KLHL1: variants seen among roughly 807,000 people sequenced by gnomAD.
KLHL1 encodes kelch like family member 1, also known as kelch-like protein 1.
KLHL1 carries 47 observed loss-of-function variants against 77.7 expected under a neutral mutation model. That is an observed-to-expected ratio of 0.60 (90% CI 0.48 to 0.77). KLHL1 has a LOEUF of 0.77. Among genes scored for constraint, KLHL1 ranks in the 30% least tolerant of loss-of-function variants. KLHL1 has a pLI of 0.00. For missense variants in KLHL1, 925 were observed against 910.8 expected (o/e 1.02, Z -0.20); for synonymous variants, 360 against 325.2 (o/e 1.11, Z -1.15).
rs751753092 is a variant in KLHL1 at position 69,740,473 on chromosome 13, G to A, written c.1723C>T (p.Pro575Ser). 6.2e-7 allele frequency: 1 copy of A among 1,613,024 alleles called. No individual in the cohort carries two copies. Among genetic ancestry groups the A allele is most frequent in the Non-Finnish European group, 8.5e-7 (1 of 1,179,254 alleles). ...SYLNTVERWD[P>S]QSQQWTFVAS... The stretch of plus-strand genomic sequence containing the variant: ...ACAAATGTCCATTGTTGACTCTGTG[G>A]ATCCCACCTTTCCACTGTATTCAGA... The change falls in exon 8 of 11, where the codon CCA becomes TCA. Residue 575 changes from proline to serine, a missense_variant. By Grantham distance (74) the Pro-to-Ser change is moderately conservative. Coordinates refer to ENST00000377844, the MANE Select transcript of KLHL1 (RefSeq NM_020866.3).
Position 69,729,928 on chromosome 13 carries a change from T to G in KLHL1, c.1803-10347A>C, listed in dbSNP as rs541582296. ...TGATATTTTTTACGAAGAAAGATAC[T>G]AGAGCAAAACAGGATTTCTTAATAT... On this transcript the variant is annotated intron_variant, in intron 8 of 10. Transcript: ENST00000377844. Among the ~76,000 whole-genome samples, 9 of 152,230 alleles carry G rather than the reference T, an allele frequency of 5.9e-5. No homozygotes were observed. The South Asian group carries it at 1.9e-3, about 32-fold the overall frequency.
At chr13:69,815,697 G>A (rs958241305) in intron 6 of KLHL1, among the ~76,000 whole-genome samples, 1 of 151,880 alleles carries the variant, frequency 6.6e-6, no homozygotes, top group African/African-American at 2.4e-5. Flanking sequence ...ACATGTACCC[G>A]TGGAATCTAA....
At position 69,936,592 on chromosome 13, in the gene KLHL1, C is replaced by CAAA. The variant is rs57906720; in HGVS notation, c.1014+3445_1014+3447dup. Among the ~76,000 whole-genome samples, 256 of 79,962 alleles carry CAAA rather than the reference C, an allele frequency of 3.2e-3. 3 individuals are homozygous for CAAA. Among genetic ancestry groups the CAAA allele is most frequent in the African/African-American group, 0.011 (244 of 21,796 alleles). The allele number at this position is 79,962 out of a possible 152,430, so 52.5% of individuals were successfully genotyped here. On this transcript the variant is annotated intron_variant, in intron 4 of 10. Transcript: ENST00000377844. The stretch of plus-strand genomic sequence containing the variant: ...TGACAGACAGAACGAGACTCCATCT[C>CAAA]AAAAAAAAAAAAAAAAAAATGAAGA...
chr13:70,077,896 T>A (rs1005194292), intron 1 of KLHL1, among the ~76,000 whole-genome samples: 1 of 152,062 alleles, frequency 6.6e-6, no homozygotes. Context: ...CTTTCTGTGA[T>A]ATTTACCTTG....
At chr13:69,845,596 T>C (rs543629402) in intron 5 of KLHL1, among the ~76,000 whole-genome samples, 1 of 151,794 alleles carries the variant, frequency 6.6e-6, no homozygotes, top group South Asian at 2.1e-4. Context: ...ATTTCATGTG[T>C]ATTGTTTCTA....
intron 5 of KLHL1, among the ~76,000 whole-genome samples, chr13:69,849,779 C>T (rs762924733): frequency 7.3e-5 from 11 of 151,152 alleles, no homozygotes; most frequent in Non-Finnish European, 1.3e-4. Flanking sequence ...GCTATAGGCC[C>T]CATGATTTGC....
intron 4 of KLHL1, among the ~76,000 whole-genome samples, chr13:69,888,109 C>T (rs960525566): frequency 6.6e-6 from 1 of 152,128 alleles, no homozygotes; most frequent in Non-Finnish European, 1.5e-5. Context: ...AGGGCTCCTT[C>T]CTTACAGACA....
intron 1 of KLHL1, among the ~76,000 whole-genome samples, chr13:70,068,153 A>T (rs1887054940): frequency 6.6e-6 from 1 of 151,904 alleles, no homozygotes; most frequent in Admixed American, 6.6e-5. Context: ...CATCCTGGCT[A>T]ACACGGTGAA....
chr13:70,027,219 G>T (rs556591021), intron 1 of KLHL1, among the ~76,000 whole-genome samples: 2 of 152,146 alleles, frequency 1.3e-5, no homozygotes, highest in African/African-American at 4.8e-5. Flanking sequence ...TAGATAAATA[G>T]AATTAATTCT....
At chr13:69,857,533 A>C (rs1251114905) in intron 5 of KLHL1, among the ~76,000 whole-genome samples, 1 of 152,088 alleles carries the variant, frequency 6.6e-6, no homozygotes, top group African/African-American at 2.4e-5. Flanking sequence ...CACGTTATTG[A>C]TAAAATACTC....
chr13:69,717,395 A>G (rs1439500605), intron 9 of KLHL1, among the ~76,000 whole-genome samples: 1 of 152,158 alleles, frequency 6.6e-6, no homozygotes, highest in Non-Finnish European at 1.5e-5. Context: ...CAAAAGTGCT[A>G]TTAATCTGAT....
intron 5 of KLHL1, among the ~76,000 whole-genome samples, chr13:69,871,984 A>G (rs1334422148): frequency 6.6e-6 from 1 of 152,116 alleles, no homozygotes; most frequent in Non-Finnish European, 1.5e-5. Context: ...ATTTTCAGGA[A>G]TCTTTATAGC....
intron 1 of KLHL1, among the ~76,000 whole-genome samples, chr13:70,066,330 T>C (rs551935509): frequency 2.0e-5 from 3 of 152,296 alleles, no homozygotes; most frequent in South Asian, 2.1e-4. Flanking sequence ...ATGAAGCAAG[T>C]TTAACGAGCC....
intron 9 of KLHL1, among the ~76,000 whole-genome samples, chr13:69,709,640 A>G (rs1309029329): frequency 7.9e-6 from 1 of 127,120 alleles, no homozygotes; most frequent in Non-Finnish European, 1.7e-5. Flanking sequence ...AATAACATTG[A>G]GTTACATTAA....
chr13:69,840,588 G>A (rs1371957929), intron 5 of KLHL1, among the ~76,000 whole-genome samples: 1 of 151,694 alleles, frequency 6.6e-6, no homozygotes, highest in African/African-American at 2.4e-5. Flanking sequence ...AATTACATAA[G>A]TGAAGATGAT....
chr13:70,099,002 C>T (rs369706080), intron 1 of KLHL1, among the ~76,000 whole-genome samples: 1 of 151,662 alleles, frequency 6.6e-6, no homozygotes, highest in East Asian at 1.9e-4. Context: ...TAACTTTTAG[C>T]TTCTTACTCA....
chr13:70,034,383 G>GA (rs1321028287), intron 1 of KLHL1, among the ~76,000 whole-genome samples: 1 of 152,078 alleles, frequency 6.6e-6, no homozygotes, highest in Non-Finnish European at 1.5e-5. Context: ...AGAGGAGTGA[G>GA]AAAAAAATGA....
chr13:69,973,345 ATAAT>A (rs1361640350), intron 2 of KLHL1, among the ~76,000 whole-genome samples: 1 of 151,876 alleles, frequency 6.6e-6, no homozygotes, highest in Non-Finnish European at 1.5e-5. Context: ...GAATGATGAT[ATAAT>A]TAATATAAAT....
intron 1 of KLHL1, among the ~76,000 whole-genome samples, chr13:70,000,783 TTAAA>T (rs1456435966): frequency 2.6e-5 from 4 of 151,666 alleles, no homozygotes; most frequent in Admixed American, 1.3e-4. Context: ...CAATGTTACA[TTAAA>T]TAGTGTGCAG....
Sources: allele counts gnomAD v4.1 joint callset (sites outside exome capture counted in the v4.1 genomes callset), GRCh38; gene constraint gnomAD v4.1.1; transcripts MANE v1.5; gene names NCBI Gene and HGNC (gene_info 2026-07-23, HGNC 2026-07-21).